Variants in SLC9A9 observed in about 807,000 individuals in gnomAD.
SLC9A9 encodes solute carrier family 9 member A9.
SLC9A9 carries 62 observed loss-of-function variants against 77.8 expected under a neutral mutation model. The observed-to-expected ratio is 0.80, with a 90% CI of 0.65 to 0.98. SLC9A9 has a LOEUF of 0.98. Ranked by LOEUF, SLC9A9 falls within the 50% of genes least tolerant of loss-of-function variation. SLC9A9 has a pLI of 0.00. For missense variants in SLC9A9, 775 were observed against 774.9 expected, an observed-to-expected ratio of 1.00 and a Z score of 0.00; for synonymous variants, 320 against 283.5, an observed-to-expected ratio of 1.13 and a Z score of -1.29.
chr3:143,309,819 G>T (rs1227524011), intron 14 of SLC9A9, among the ~76,000 whole-genome samples: 2 of 152,096 alleles, frequency 1.3e-5, no homozygotes, highest in African/African-American at 4.8e-5. Flanking sequence ...ATCTGGTTAT[G>T]TGCCTGGTGG....
intron 14 of SLC9A9, among the ~76,000 whole-genome samples, chr3:143,286,241 T>C (rs988847548): frequency 2.6e-5 from 4 of 152,188 alleles, no homozygotes; most frequent in African/African-American, 9.7e-5. Flanking sequence ...GGAGGGTATA[T>C]GTGTGCTCTG....
At chr3:143,336,955 ATCT>A (rs2031944346) in intron 14 of SLC9A9, among the ~76,000 whole-genome samples, 1 of 152,174 alleles carries the variant, frequency 6.6e-6, no homozygotes, top group African/African-American at 2.4e-5. Flanking sequence ...AGCTTCAGTT[ATCT>A]GGAAAATTGA....
At chr3:143,330,624 C>T (rs908161109) in intron 14 of SLC9A9, among the ~76,000 whole-genome samples, 1 of 152,176 alleles carries the variant, frequency 6.6e-6, no homozygotes, top group Non-Finnish European at 1.5e-5. Context: ...ATAAAATGTC[C>T]TCCTTCTGTT....
chr3:143,413,292 T>C (rs953310348), intron 12 of SLC9A9, among the ~76,000 whole-genome samples: 1 of 152,158 alleles, frequency 6.6e-6, no homozygotes, highest in Non-Finnish European at 1.5e-5. Context: ...CCAAGGAAGA[T>C]GAACTGTGAG....
At position 143,603,563 on chromosome 3, in the gene SLC9A9, A is replaced by T. The variant is rs376330844; in HGVS notation, c.756-24840T>A. ...TGGCAAGAAACTGAAGTTCTCACTCAACAGCCATATGAGCAAGCTTGGAAG... is the reference window on the plus strand; with the variant it reads ...TGGCAAGAAACTGAAGTTCTCACTCTACAGCCATATGAGCAAGCTTGGAAG... On this transcript the variant is annotated intron_variant, in intron 6 of 15. Transcript: ENST00000316549. 1.2e-4 allele frequency among the ~76,000 whole-genome samples: 19 copies of T among 152,348 alleles called. No homozygotes were observed. In the East Asian group the frequency reaches 3.7e-3, roughly 29 times the overall value.
intron 4 of SLC9A9, among the ~76,000 whole-genome samples, chr3:143,713,125 C>T (rs144589037): frequency 5.4e-4 from 82 of 152,222 alleles, no homozygotes; most frequent in African/African-American, 1.9e-3. Context: ...CACAAAATCC[C>T]CAAGACTCAG....
At chr3:143,777,498 T>TTATCTACCAAGTGATCTATC (rs2007729340) in intron 4 of SLC9A9, among the ~76,000 whole-genome samples, 1 of 152,204 alleles carries the variant, frequency 6.6e-6, no homozygotes, top group Non-Finnish European at 1.5e-5. Flanking sequence ...AGTGAACTAT[T>TTATCTACCAAGTGATCTATC]TATCTACCTA....
intron 12 of SLC9A9, among the ~76,000 whole-genome samples, chr3:143,432,433 G>C (rs62267816): frequency 0.028 from 4,296 of 152,272 alleles, 74 homozygotes; most frequent in Middle Eastern, 0.068. Flanking sequence ...CAGGAAAAAT[G>C]AGAACTGCAA....
At chr3:143,528,451 G>A (rs1451726564) in intron 9 of SLC9A9, among the ~76,000 whole-genome samples, 1 of 152,190 alleles carries the variant, frequency 6.6e-6, no homozygotes, top group African/African-American at 2.4e-5. Flanking sequence ...ACAGAAAGCA[G>A]AATTTGACTG....
At chr3:143,459,972 T>G (rs1576512731) in intron 12 of SLC9A9, among the ~76,000 whole-genome samples, 1 of 152,122 alleles carries the variant, frequency 6.6e-6, no homozygotes, top group Non-Finnish European at 1.5e-5. Flanking sequence ...ACCTGTCACC[T>G]TATGATTGCT....
intron 14 of SLC9A9, among the ~76,000 whole-genome samples, chr3:143,324,525 T>C (rs2031518790): frequency 6.6e-6 from 1 of 152,132 alleles, no homozygotes; most frequent in Non-Finnish European, 1.5e-5. Context: ...GGATGCTCAG[T>C]AAATAGTAGC....
chr3:143,750,625 TATG>T (rs1335897741), intron 4 of SLC9A9, among the ~76,000 whole-genome samples: 1 of 152,018 alleles, frequency 6.6e-6, no homozygotes, highest in Non-Finnish European at 1.5e-5. Flanking sequence ...GAAAATGTTT[TATG>T]ATGTCATTTG....
chr3:143,460,056 G>A (rs1011275045), intron 12 of SLC9A9, among the ~76,000 whole-genome samples: 1 of 152,082 alleles, frequency 6.6e-6, no homozygotes. Context: ...ACCCACAAAT[G>A]TCCCCTTTCC....
At chr3:143,310,873 G>C (rs1375751453) in intron 14 of SLC9A9, among the ~76,000 whole-genome samples, 1 of 152,168 alleles carries the variant, frequency 6.6e-6, no homozygotes, top group East Asian at 1.9e-4. Context: ...GTTCTAGAAA[G>C]ATATTCTGGG....
intron 13 of SLC9A9, among the ~76,000 whole-genome samples, chr3:143,377,126 AC>A (rs1170559026): frequency 2.0e-5 from 3 of 152,160 alleles, no homozygotes; most frequent in African/African-American, 7.2e-5. Flanking sequence ...GACCATGATG[AC>A]CCCACTATCT....
intron 14 of SLC9A9, among the ~76,000 whole-genome samples, chr3:143,312,610 A>G (rs1240537635): frequency 6.6e-6 from 1 of 152,178 alleles, no homozygotes; most frequent in Non-Finnish European, 1.5e-5. Flanking sequence ...TACACAGCTG[A>G]CAGAGAAGTA....
At chr3:143,457,843 G>A (rs1195099666) in intron 12 of SLC9A9, among the ~76,000 whole-genome samples, 3 of 152,076 alleles carry the variant, frequency 2.0e-5, no homozygotes, top group African/African-American at 7.2e-5. Context: ...AATTAGAAAA[G>A]GTTTTATGAC....
Position 143,620,994 on chromosome 3 carries a change from A to G in SLC9A9, c.755+31261T>C, listed in dbSNP as rs1427756351. ...TCCCGCGCCTGGCTCAGAGGGTCCT[A>G]TGCCCATGGAGCCTCGCTCATTGCT... On this transcript the variant is annotated intron_variant, in intron 6 of 15. Transcript: ENST00000316549. Among the ~76,000 whole-genome samples the G allele has an allele frequency of 2.0e-5, 3 of 152,184 alleles. No individual in the cohort carries two copies. The East Asian group carries it at 5.8e-4, about 29-fold the overall frequency.
chr3:143,368,776 C>A (rs1281269610), intron 13 of SLC9A9, among the ~76,000 whole-genome samples: 4 of 152,154 alleles, frequency 2.6e-5, no homozygotes, highest in Non-Finnish European at 5.9e-5. Context: ...ATTGCCTTGA[C>A]TTTCTAATTA....
Sources: allele counts gnomAD v4.1 joint callset (sites outside exome capture counted in the v4.1 genomes callset), GRCh38; gene constraint gnomAD v4.1.1; transcripts MANE v1.5; gene names NCBI Gene and HGNC (gene_info 2026-07-23, HGNC 2026-07-21).